The following OR6K6 variants were observed in gnomAD, a reference collection of about 807,000 sequenced individuals.
The protein encoded by OR6K6 is olfactory receptor family 6 subfamily K member 6.
In OR6K6, 9 loss-of-function variants were observed where a neutral mutation model predicts 8.1. The observed-to-expected ratio is 1.11, with a 90% CI of 0.67 to 1.94. The LOEUF is 1.94. Ranked by LOEUF, OR6K6 falls within the 30% of genes most tolerant of loss-of-function variation. The pLI is 0.00. For missense variants in OR6K6, 400 were observed against 383.1 expected, an observed-to-expected ratio of 1.04 and a Z score of -0.37; for synonymous variants, 156 against 140.3, an observed-to-expected ratio of 1.11 and a Z score of -0.79.
At chr1:158,755,057 T>A (rs747896184) in exon 1 of OR6K6, 1 of 1,614,090 alleles carries the variant, frequency 6.2e-7, no homozygotes, top group South Asian at 1.1e-5. Context: ...CAGGTGGGCA[T>A]GGCCCTGCAC....
At position 158,755,280 on chromosome 1, in the gene OR6K6, C is replaced by A; in HGVS notation, c.393C>A (p.Cys131Ter). 1.2e-6 allele frequency: 2 copies of A among 1,614,094 alleles called. No individual in the cohort carries two copies. Among genetic ancestry groups the A allele is most frequent in the South Asian group, 1.1e-5 (1 of 91,082 alleles). The stretch of plus-strand genomic sequence containing the variant: ...CCATTGACAGGTACATAGCTATCTG[C>A]AATCCACTCCGTTACCCAACCATCA... The change falls in exon 1 of 1, where the codon TGC becomes TGA. Residue 131 changes from cysteine to a stop codon, truncating the protein, a stop_gained. Transcript: ENST00000641861. LOFTEE classifies it high-confidence loss of function.
At chr1:158,755,886 GC>G in exon 1 of OR6K6, 1 of 1,404,050 alleles carries the variant, frequency 7.1e-7, no homozygotes, top group African/African-American at 1.4e-5. Flanking sequence ...TCTTGGAAGA[GC>G]AAAATTTCAC....
At position 158,755,122 on chromosome 1, in the gene OR6K6, A is replaced by G. The variant is rs750977551; in HGVS notation, c.235A>G (p.Thr79Ala). ...CTCCTTCCTGGAGATCTGCTATACC[A>G]CAACCACCATCCCCAAGATGCTGTC... is the stretch of plus-strand genomic sequence containing the variant. The change falls in exon 1 of 1, where the codon ACA becomes GCA. Residue 79 changes from threonine (T) to alanine (A), a missense_variant. Transcript: ENST00000641861. The G allele has an allele frequency of 8.7e-6, 14 of 1,613,916 alleles. No homozygotes were observed. In the Admixed American group the frequency reaches 2.2e-4, roughly 25 times the overall value.
At chr1:158,755,682 C>A (rs778881188) in exon 1 of OR6K6, 14 of 1,614,076 alleles carry the variant, frequency 8.7e-6, no homozygotes, top group East Asian at 4.5e-5. Flanking sequence ...ATTTGAGATT[C>A]TCAGCCACCT....
At chr1:158,755,881 GA>G in exon 1 of OR6K6, 1 of 1,461,134 alleles carries the variant, frequency 6.8e-7, no homozygotes, top group South Asian at 1.3e-5. Flanking sequence ...AAGCCTCTTG[GA>G]AGAGCAAAAT....
chr1:158,755,329 C>G lies in OR6K6; in HGVS notation c.442C>G (p.Leu148Val), dbSNP rs1656962967. ...CATGATTCCCAAACTTTGTATCCAGCTGACAGTTGGATCCTGCTTTTGTGG... is the reference window on the plus strand; with the variant it reads ...CATGATTCCCAAACTTTGTATCCAGGTGACAGTTGGATCCTGCTTTTGTGG... The change falls in exon 1 of 1, where the codon CTG becomes GTG. Residue 148 changes from leucine to valine, a missense_variant. Physicochemically the swap from Leu to Val is conservative, Grantham distance 32 (BLOSUM62 1). Coordinates refer to ENST00000641861, the Ensembl canonical transcript of OR6K6. 6.2e-7 allele frequency: 1 copy of G among 1,614,068 alleles called. No homozygotes were observed. The highest frequency in any genetic ancestry group is 1.3e-5 in the African/African-American group (1 of 74,946).
exon 1 of OR6K6, chr1:158,754,898 T>C: frequency 6.2e-7 from 1 of 1,614,060 alleles, no homozygotes; most frequent in Non-Finnish European, 8.5e-7. Context: ...ATGACACAGT[T>C]GACGGCCAGT....
At chr1:158,755,018 C>T in exon 1 of OR6K6, 2 of 1,614,152 alleles carry the variant, frequency 1.2e-6, no homozygotes, top group Non-Finnish European at 1.7e-6. Context: ...TTTATCCTAA[C>T]TGGAAACCTA....
chr1:158,755,865 T>C (rs72700594), exon 1 of OR6K6: 1 of 1,550,398 alleles, frequency 6.4e-7, no homozygotes, highest in East Asian at 2.2e-5. Context: ...TCCTGGAGAC[T>C]CTAAAAAGCC....
exon 1 of OR6K6, chr1:158,755,200 A>T: frequency 1.9e-6 from 3 of 1,614,008 alleles, no homozygotes; most frequent in Non-Finnish European, 2.5e-6. Context: ...CCTCCTGCAG[A>T]TGTACTTTTT....
At chr1:158,755,875 C>T (rs749430278) in exon 1 of OR6K6, 16 of 1,516,172 alleles carry the variant, frequency 1.1e-5, no homozygotes, top group African/African-American at 4.2e-5. Context: ...TCTAAAAAGC[C>T]TCTTGGAAGA....
At chr1:158,754,958 C>A in exon 1 of OR6K6, 1 of 1,614,160 alleles carries the variant, frequency 6.2e-7, no homozygotes, top group Non-Finnish European at 8.5e-7. Flanking sequence ...TTCCCGCATG[C>A]GCACAGAGGT....
At chr1:158,755,336 T>C in exon 1 of OR6K6, 2 of 1,614,240 alleles carry the variant, frequency 1.2e-6, no homozygotes, top group Non-Finnish European at 1.7e-6. Context: ...CAGCTGACAG[T>C]TGGATCCTGC....
In OR6K6 at chr1:158,754,851, T is replaced by C. The variant is rs199929431; in HGVS notation, c.-37T>C. On this transcript the variant is annotated 5_prime_UTR_variant, in exon 1 of 1. Coordinates refer to ENST00000641861, the Ensembl canonical transcript of OR6K6. Reference sequence around the variant, plus strand: ...ATTCAGTGGGTAATCAACATTCCAATTATAGGAGTCTCTTGTTTCCTTTTC... The same window carrying C: ...ATTCAGTGGGTAATCAACATTCCAACTATAGGAGTCTCTTGTTTCCTTTTC... 80 of 1,612,840 alleles carry C rather than the reference T, an allele frequency of 5.0e-5. 1 individual carries two copies. In the East Asian group the frequency reaches 1.8e-3, roughly 36 times the overall value.
chr1:158,755,163 G>T lies in OR6K6; in HGVS notation c.276G>T (p.Glu92Asp), dbSNP rs1656958244. ...AGATGCTGTCCTGCCTAATCAGTGA[G>T]CAGAAGAGCATTTCCGTGGCTGGCT... Residue 92 changes from glutamate (E) to aspartate (D), a missense_variant, in exon 1 of 1, where the codon GAG (glutamate) becomes GAT (aspartate). Physicochemically the swap from Glu to Asp is conservative, Grantham distance 45. Coordinates refer to ENST00000641861, the Ensembl canonical transcript of OR6K6. 6.2e-7 allele frequency: 1 copy of T among 1,614,048 alleles called. No homozygotes were observed. Among genetic ancestry groups the T allele is most frequent in the Non-Finnish European group, 8.5e-7 (1 of 1,179,990 alleles).
chr1:158,754,871 C>A, exon 1 of OR6K6: 2 of 1,613,726 alleles, frequency 1.2e-6, no homozygotes, highest in Non-Finnish European at 1.7e-6. Context: ...CTCTTGTTTC[C>A]TTTTCTGTGT....
exon 1 of OR6K6, chr1:158,755,185 G>T: frequency 1.2e-6 from 2 of 1,614,046 alleles, no homozygotes; most frequent in Admixed American, 1.7e-5. Context: ...TTCCGTGGCT[G>T]GCTGCCTCCT....
At chr1:158,754,798 A>G in exon 1 of OR6K6, 2 of 1,555,820 alleles carry the variant, frequency 1.3e-6, no homozygotes, top group Non-Finnish European at 1.8e-6. Flanking sequence ...CAGCTTGAGT[A>G]ACTCATTACA....
exon 1 of OR6K6, chr1:158,755,319 T>C: frequency 4.3e-6 from 7 of 1,614,174 alleles, no homozygotes; most frequent in Non-Finnish European, 5.9e-6. Context: ...TTCCCAAACT[T>C]TGTATCCAGC....
Sources: allele counts gnomAD v4.1 joint callset, GRCh38; gene constraint gnomAD v4.1.1; transcripts MANE v1.5; gene names NCBI Gene and HGNC (gene_info 2026-07-23, HGNC 2026-07-21).